The following CTNNA3 variants were observed in gnomAD, a reference collection of about 807,000 sequenced individuals.
CTNNA3 encodes the protein catenin alpha-3.
CTNNA3 carries 76 observed loss-of-function variants against 95.7 expected under a neutral mutation model. The ratio of observed to expected loss-of-function variants is 0.79; its 90% CI spans 0.66 to 0.96. The LOEUF is 0.96. Among genes scored for constraint, CTNNA3 ranks in the 40% least tolerant of loss-of-function variants. The pLI is 0.00. For missense variants in CTNNA3, 1,191 were observed against 1,089.8 expected (o/e 1.09, Z -1.31); for synonymous variants, 431 against 374.4 (o/e 1.15, Z -1.74).
chr10:67,613,212 A>T (rs1195911326), intron 2 of CTNNA3, among the ~76,000 whole-genome samples: 5 of 152,146 alleles, frequency 3.3e-5, no homozygotes, highest in Non-Finnish European at 7.4e-5. Flanking sequence ...CCTTGTTCGT[A>T]GCTCTTGTAT....
intron 7 of CTNNA3, among the ~76,000 whole-genome samples, chr10:67,145,164 G>C (rs2394329): frequency 0.62 from 94,174 of 151,934 alleles, 29,763 homozygotes; most frequent in Middle Eastern, 0.74. Flanking sequence ...TCCATGGTGC[G>C]CCAAAATAAT....
intron 5 of CTNNA3, among the ~76,000 whole-genome samples, chr10:67,479,088 G>T (rs1848125140): frequency 6.6e-6 from 1 of 152,088 alleles, no homozygotes; most frequent in South Asian, 2.1e-4. Context: ...CAACAGTAGA[G>T]CACCTAGATT....
At chr10:66,781,241 T>G (rs1320500311) in intron 7 of CTNNA3, among the ~76,000 whole-genome samples, 1 of 152,216 alleles carries the variant, frequency 6.6e-6, no homozygotes, top group Non-Finnish European at 1.5e-5. Flanking sequence ...TTATGTTTTA[T>G]TTTTGTTTTG....
At chr10:66,171,918 CTT>C (rs1229785292) in intron 13 of CTNNA3, among the ~76,000 whole-genome samples, 1 of 152,112 alleles carries the variant, frequency 6.6e-6, no homozygotes, top group Non-Finnish European at 1.5e-5. Flanking sequence ...ATATTACAGA[CTT>C]AACTTCTATT....
chr10:66,639,290 A>G (rs951493593), intron 9 of CTNNA3, among the ~76,000 whole-genome samples: 17 of 152,150 alleles, frequency 1.1e-4, no homozygotes, highest in African/African-American at 4.1e-4. Context: ...AAAACATTTT[A>G]TTATTTCAAG....
chr10:67,145,292 A>G (rs1382494237), intron 7 of CTNNA3, among the ~76,000 whole-genome samples: 9 of 152,160 alleles, frequency 5.9e-5, no homozygotes, highest in Admixed American at 5.2e-4. Flanking sequence ...AAATGAGTAC[A>G]TGCTGTCAGA....
chr10:67,280,043 G>A (rs1451248912), intron 5 of CTNNA3, among the ~76,000 whole-genome samples: 1 of 150,346 alleles, frequency 6.7e-6, no homozygotes, highest in Non-Finnish European at 1.5e-5. Context: ...GGAGTCCAGA[G>A]AACAATACCC....
At chr10:66,352,335 T>C (rs1238903487) in intron 12 of CTNNA3, among the ~76,000 whole-genome samples, 1 of 152,042 alleles carries the variant, frequency 6.6e-6, no homozygotes, top group Admixed American at 6.6e-5. Context: ...CAATGAACTA[T>C]TGTGATCAAA....
chr10:67,553,864 CTCA>C lies in CTNNA3; in HGVS notation c.293-14198_293-14196del, dbSNP rs1342582864. ...CATGTTGGTGTGCTGCACCCATTAA[CTCA>C]TCATTTACATTAGGTATATCTCCTA... On this transcript the variant is annotated intron_variant, in intron 3 of 17. Coordinates refer to ENST00000433211, the MANE Select transcript of CTNNA3 (RefSeq NM_013266.4). 3.3e-5 allele frequency among the ~76,000 whole-genome samples: 5 copies of C among 151,888 alleles called. No individual in the cohort carries two copies. In the East Asian group the frequency reaches 9.6e-4, roughly 29 times the overall value.
chr10:66,548,159 C>T (rs568676969), intron 10 of CTNNA3, among the ~76,000 whole-genome samples: 2 of 152,148 alleles, frequency 1.3e-5, no homozygotes, highest in East Asian at 1.9e-4. Flanking sequence ...TCAGGTGATC[C>T]GTCCACCTCG....
At chr10:65,973,399 G>A (rs2078147043) in intron 16 of CTNNA3, among the ~76,000 whole-genome samples, 2 of 152,060 alleles carry the variant, frequency 1.3e-5, no homozygotes, top group African/African-American at 4.8e-5. Flanking sequence ...TATCAACAGA[G>A]TACATAGACA....
chr10:66,863,556 A>C (rs1392083477), intron 7 of CTNNA3, among the ~76,000 whole-genome samples: 2 of 152,152 alleles, frequency 1.3e-5, no homozygotes, highest in African/African-American at 4.8e-5. Flanking sequence ...AGATGAAATA[A>C]GTTGAAAATT....
intron 2 of CTNNA3, among the ~76,000 whole-genome samples, chr10:67,618,240 A>G (rs144732672): frequency 2.3e-3 from 352 of 152,292 alleles, no homozygotes; most frequent in Non-Finnish European, 3.8e-3. Context: ...ATCATACCAA[A>G]GAAGACTCTA....
At chr10:66,728,828 T>C (rs748157937) in intron 9 of CTNNA3, among the ~76,000 whole-genome samples, 9 of 152,188 alleles carry the variant, frequency 5.9e-5, no homozygotes, top group Non-Finnish European at 1.3e-4. Flanking sequence ...CCTCAAGTGA[T>C]CTGCCCACCT....
chr10:66,287,331 T>G (rs1262757124), intron 12 of CTNNA3, among the ~76,000 whole-genome samples: 9 of 152,122 alleles, frequency 5.9e-5, no homozygotes. Flanking sequence ...CTATGTCTCT[T>G]ACTTTACTGT....
intron 14 of CTNNA3, among the ~76,000 whole-genome samples, chr10:66,096,518 TTTTC>T (rs1282826265): frequency 1.5e-5 from 2 of 136,886 alleles, no homozygotes; most frequent in African/African-American, 5.2e-5. Flanking sequence ...CTTTCTTTTC[TTTTC>T]TTTCTTTTTT....
intron 5 of CTNNA3, among the ~76,000 whole-genome samples, chr10:67,249,812 T>C (rs988869080): frequency 1.3e-5 from 2 of 152,190 alleles, no homozygotes. Flanking sequence ...CACTCATTCA[T>C]ACTGTGACAA....
At chr10:67,447,981 A>T (rs116260201) in intron 5 of CTNNA3, among the ~76,000 whole-genome samples, 1 of 152,242 alleles carries the variant, frequency 6.6e-6, no homozygotes, top group Non-Finnish European at 1.5e-5. Flanking sequence ...AACTTTGCAG[A>T]AAGTGCAACT....
chr10:66,021,852 C>T lies in CTNNA3; in HGVS notation c.2160-33055G>A, dbSNP rs867005443. 4.7e-3 allele frequency among the ~76,000 whole-genome samples: 354 copies of T among 75,830 alleles called. 2 individuals are homozygous for T. The highest frequency in any genetic ancestry group is 9.3e-3 in the South Asian group (15 of 1,616). 49.7% of individuals were successfully genotyped at this position (75,830 alleles called of 152,430 possible). On this transcript the variant is annotated intron_variant, in intron 15 of 17. Coordinates refer to ENST00000433211, the MANE Select transcript of CTNNA3 (RefSeq NM_013266.4). ...GGAAATTCCATATACAGGATCTTGG[C>T]TTTTTTTTTTTTTTTTAGATAGATA...
Sources: gnomAD v4.1 joint callset for allele counts (sites outside exome capture counted in the v4.1 genomes callset) on GRCh38, gnomAD v4.1.1 for gene constraint, MANE v1.5 for transcripts, NCBI Gene and HGNC (gene_info 2026-07-23, HGNC 2026-07-21) for gene names.